The following AKAP4 variants were observed in gnomAD, a reference collection of about 807,000 sequenced individuals.
AKAP4 encodes A-kinase anchor protein 4.
Under a neutral mutation model 42.6 loss-of-function variants are expected in AKAP4, and 4 were observed. That is an observed-to-expected ratio of 0.09 (90% confidence interval 0.05 to 0.22). AKAP4 has a LOEUF of 0.22. Ranked by LOEUF, AKAP4 falls within the 10% of genes least tolerant of loss-of-function variation. The pLI is 1.00. For missense variants in AKAP4, 551 were observed against 630.7 expected (o/e 0.87, Z 1.35); for synonymous variants, 223 against 233.0 (o/e 0.96, Z 0.39).
At position 50,193,626 on chromosome X, in the gene AKAP4, C is replaced by A; in HGVS notation, c.1087G>T (p.Ala363Ser). The change falls in exon 5 of 6, where the codon GCA becomes TCA. Residue 363 changes from alanine (A) to serine (S), a missense_variant. Physicochemically the swap from Ala to Ser is moderately conservative, Grantham distance 99. Coordinates refer to ENST00000358526, the MANE Select transcript of AKAP4 (RefSeq NM_003886.3). ...KVHSSGKPIP[A>S]SVVLKRVLLR... ...AACACCCTCTTCAGGACCACAGATG[C>A]TGGAATTGGCTTCCCAGAGCTGTGC... 1 of 1,211,716 alleles carries A rather than the reference C, an allele frequency of 8.3e-7. No homozygotes were observed.
intron 4 of AKAP4, among the ~76,000 whole-genome samples, chrX:50,195,308 T>C (rs186629183): frequency 2.7e-5 from 3 of 111,921 alleles, no homozygotes; most frequent in Non-Finnish European, 3.8e-5. Flanking sequence ...ACCCTGGTAT[T>C]TGAGTATGTG....
At chrX:50,192,261 T>C in intron 5 of AKAP4, 43 bp downstream of exon 5, 1 of 1,083,469 alleles carries the variant, frequency 9.2e-7, no homozygotes, top group South Asian at 2.3e-5. Context: ...TCCCTGCCTC[T>C]GCCCATTCCA....
chrX:50,195,214 G>C (rs782228125), intron 4 of AKAP4, among the ~76,000 whole-genome samples: 67 of 112,003 alleles, frequency 6.0e-4, no homozygotes, highest in African/African-American at 2.0e-3. Flanking sequence ...TAATGACTAT[G>C]TATGTTCATA....
Position 50,193,201 on chromosome X carries a change from G to C in AKAP4, c.1512C>G (p.Gly504=), listed in dbSNP as rs1557203919. The C allele has an allele frequency of 1.7e-6, 2 of 1,211,572 alleles. No individual in the cohort carries two copies. Among genetic ancestry groups the C allele is most frequent in the Admixed American group, 4.3e-5 (2 of 46,025 alleles). ...CTTGCTTTTGGTTCCAGATGGTTAG[G>C]CCCTCTTTGAGAATGTGTTCACCGA... is the stretch of plus-strand genomic sequence containing the variant. The part of the protein sequence containing the change: ...EKVGEHILKE[G]LTIWNQKQGN... Residue 504 remains glycine (G), a synonymous_variant, in exon 5 of 6, where the codon GGC becomes GGG. Transcript: ENST00000358526.
chrX:50,198,807 G>T, intron 1 of AKAP4, 55 bp from the exon 2 acceptor site: 1 of 930,507 alleles, frequency 1.1e-6, no homozygotes, highest in Non-Finnish European at 1.5e-6. Flanking sequence ...TTTGGAAACC[G>T]GGTCAATTTG....
chrX:50,197,743 C>A (rs1418696750), intron 2 of AKAP4, 149 bp from the exon 3 acceptor site: 1 of 455,973 alleles, frequency 2.2e-6, no homozygotes, highest in Non-Finnish European at 3.7e-6. Context: ...AAGCAGATTG[C>A]CTGGCACATA....
At chrX:50,192,036 A>G (rs1452745209) in intron 5 of AKAP4, among the ~76,000 whole-genome samples, 7 of 110,648 alleles carry the variant, frequency 6.3e-5, no homozygotes, top group Non-Finnish European at 7.6e-5. Context: ...TCATTCCCCA[A>G]TGTTTTATCA....
chrX:50,196,459 C>T (rs1266778770), intron 4 of AKAP4, among the ~76,000 whole-genome samples: 1 of 111,110 alleles, frequency 9.0e-6, no homozygotes, highest in Non-Finnish European at 1.9e-5. Flanking sequence ...TAACTTTAAG[C>T]TACTCAACAG....
intron 1 of AKAP4, among the ~76,000 whole-genome samples, chrX:50,199,545 G>A (rs782341907): frequency 2.7e-5 from 3 of 110,636 alleles, no homozygotes; most frequent in East Asian, 5.7e-4. Context: ...GGAACTAAAA[G>A]TAAAAAGGAA....
chrX:50,194,345 A>G lies in AKAP4; in HGVS notation c.368T>C (p.Leu123Ser). ...WLLSDLQKYA[L>S]GFQHALSPST... Reference sequence around the variant, plus strand: ...GGGGCTCAGTGCATGTTGGAAACCCAAGGCATACTTCTGGAGATCACTGAG... The same window carrying G: ...GGGGCTCAGTGCATGTTGGAAACCCGAGGCATACTTCTGGAGATCACTGAG... Residue 123 changes from leucine (L) to serine (S), a missense_variant, in exon 5 of 6, where the codon TTG becomes TCG. By Grantham distance (145) the Leu-to-Ser change is moderately radical. Coordinates refer to ENST00000358526, the MANE Select transcript of AKAP4 (RefSeq NM_003886.3). 3 of 1,209,780 alleles carry G rather than the reference A, an allele frequency of 2.5e-6. No individual in the cohort carries two copies. Among genetic ancestry groups the G allele is most frequent in the Non-Finnish European group, 1.1e-6 (1 of 894,938 alleles).
Position 50,192,660 on chromosome X carries a change from A to T in AKAP4, c.2053T>A (p.Cys685Ser). The T allele has an allele frequency of 8.3e-7, 1 of 1,211,802 alleles. No homozygotes were observed. Among genetic ancestry groups the T allele is most frequent in the Non-Finnish European group, 1.1e-6 (1 of 895,561 alleles). Residue 685 changes from cysteine to serine, a missense_variant, in exon 5 of 6, where the codon TGT becomes AGT. Coordinates refer to ENST00000358526, the MANE Select transcript of AKAP4 (RefSeq NM_003886.3). ...EQCQEHQELD[C>S]TSGMKQANGQ... ...TTCGCTTGCTTCATCCCACTGGTACAGTCAAGTTCTTGATGCTCCTGGCAT... is the reference window on the plus strand; with the variant it reads ...TTCGCTTGCTTCATCCCACTGGTACTGTCAAGTTCTTGATGCTCCTGGCAT...
At chrX:50,194,906 A>G (rs1935170507) in intron 4 of AKAP4, among the ~76,000 whole-genome samples, 1 of 111,782 alleles carries the variant, frequency 8.9e-6, no homozygotes, top group African/African-American at 3.3e-5. Context: ...TGTCTACTGT[A>G]TAGGCTGACA....
chrX:50,191,198 C>T (rs1341285674), intron 5 of AKAP4, 83 bp from the exon 6 acceptor site: 11 of 1,069,343 alleles, frequency 1.0e-5, no homozygotes, highest in South Asian at 8.4e-5. Context: ...CCACCCAACC[C>T]CCTCAACCCC....
At chrX:50,195,983 C>A (rs1303481291) in intron 4 of AKAP4, among the ~76,000 whole-genome samples, 1 of 111,199 alleles carries the variant, frequency 9.0e-6, no homozygotes, top group Non-Finnish European at 1.9e-5. Context: ...ATAAAGTCAA[C>A]TTTTTGCAAA....
At chrX:50,197,849 C>T (rs1394205297) in intron 2 of AKAP4, among the ~76,000 whole-genome samples, 1 of 111,729 alleles carries the variant, frequency 9.0e-6, no homozygotes, top group Non-Finnish European at 1.9e-5. Context: ...AACCTCCTGT[C>T]AGAGTGAGGC....
At chrX:50,191,755 C>T (rs1235115331) in intron 5 of AKAP4, among the ~76,000 whole-genome samples, 4 of 108,857 alleles carry the variant, frequency 3.7e-5, no homozygotes, top group Non-Finnish European at 3.8e-5. Flanking sequence ...GGAGCAGGGC[C>T]AGGACTAGGG....
Position 50,193,382 on chromosome X carries a change from T to C in AKAP4, c.1331A>G (p.Gln444Arg), listed in dbSNP as rs1557203951. ...LIGEEKETKSQSLSYASLKAG... is the reference protein window; with the variant it reads ...LIGEEKETKSRSLSYASLKAG... Reference sequence around the variant, plus strand: ...TTTTAAAGATGCATATGACAGACTCTGAGACTTAGTCTCCTTCTCCTCACC... The same window carrying C: ...TTTTAAAGATGCATATGACAGACTCCGAGACTTAGTCTCCTTCTCCTCACC... Residue 444 changes from glutamine (Q) to arginine (R), a missense_variant, in exon 5 of 6, where the codon CAG becomes CGG. Coordinates refer to ENST00000358526, the MANE Select transcript of AKAP4 (RefSeq NM_003886.3). 1 of 1,209,907 alleles carries C rather than the reference T, an allele frequency of 8.3e-7. No homozygotes were observed. Among genetic ancestry groups the C allele is most frequent in the Non-Finnish European group, 1.1e-6 (1 of 895,179 alleles).
intron 4 of AKAP4, among the ~76,000 whole-genome samples, chrX:50,195,869 A>C (rs1557204305): frequency 9.0e-6 from 1 of 111,014 alleles, no homozygotes; most frequent in Non-Finnish European, 1.9e-5. Flanking sequence ...GTGTATATGT[A>C]CTATATACAC....
At chrX:50,195,151 A>T (rs1935173427) in intron 4 of AKAP4, among the ~76,000 whole-genome samples, 1 of 112,393 alleles carries the variant, frequency 8.9e-6, no homozygotes. Context: ...CAATTTTAAT[A>T]TATTAATGTA....
Sources: allele counts gnomAD v4.1 joint callset (sites outside exome capture counted in the v4.1 genomes callset), GRCh38; gene constraint gnomAD v4.1.1; transcripts MANE v1.5; gene names NCBI Gene and HGNC (gene_info 2026-07-23, HGNC 2026-07-21).